Variants in TARBP2 observed in about 807,000 individuals in gnomAD.
TARBP2 encodes RISC-loading complex subunit TARBP2.
In TARBP2, 23 loss-of-function variants were observed where a neutral mutation model predicts 40.4. The ratio of observed to expected loss-of-function variants is 0.57; its 90% CI spans 0.41 to 0.81. The LOEUF (loss-of-function observed/expected upper bound fraction) is 0.81, where lower values mean the gene tolerates loss of function less well. TARBP2 is among the 30% of genes least tolerant of loss of function. TARBP2 has a pLI of 0.00. For synonymous variants in TARBP2, 183 were observed against 190.5 expected (o/e 0.96, Z 0.32); for missense variants, 358 against 473.7 (o/e 0.76, Z 2.27).
At position 53,505,766 on chromosome 12, in the gene TARBP2, C is replaced by T. The variant is rs1565902214; in HGVS notation, c.859C>T (p.Leu287=). The change falls in exon 8 of 9, where the codon CTG becomes TTG. Residue 287 remains leucine (L), a synonymous_variant. Transcript: ENST00000266987. The surrounding 1 kb of genome is among the most constrained non-coding windows in gnomAD (Gnocchi z 4.5). Reference sequence around the variant, plus strand: ...CCTCCGCAGTTGCTCCCTGGGCTCCCTGGGTGCCCTGGGCCCTGCCTGCTG... The same window carrying T: ...CCTCCGCAGTTGCTCCCTGGGCTCCTTGGGTGCCCTGGGCCCTGCCTGCTG... ...LSLRSCSLGS[L]GALGPACCRV... 1 of 1,613,962 alleles carries T rather than the reference C, an allele frequency of 6.2e-7. No individual in the cohort carries two copies. Among genetic ancestry groups the T allele is most frequent in the Non-Finnish European group, 8.5e-7 (1 of 1,179,886 alleles).
chr12:53,503,239 C>T lies in TARBP2; in HGVS notation c.326+110C>T, dbSNP rs1320244974. 2.8e-6 allele frequency: 4 copies of T among 1,427,588 alleles called. No individual in the cohort carries two copies. The East Asian group carries it at 1.1e-4, about 38-fold the overall frequency. The allele number at this position is 1,427,588 out of a possible 1,614,324, so 88.4% of individuals were successfully genotyped here. A position where few individuals can be genotyped will look rare whatever the true frequency, so the allele number is the denominator to read the frequency against. On this transcript the variant is annotated intron_variant, in intron 3 of 8. Transcript: ENST00000266987. ...TGACACTTAGCCACCCTGACCTGGC[C>T]TCTTCCTGAGAGTCCCTCTGGACCT...
At position 53,506,394 on chromosome 12, in the gene TARBP2, A is replaced by T. The variant is rs546700312; in HGVS notation, c.*246A>T. The T allele has an allele frequency of 5.4e-6, 3 of 551,496 alleles. No individual in the cohort carries two copies. The South Asian group carries it at 7.8e-5, about 14-fold the overall frequency. 34.2% of individuals were successfully genotyped at this position (551,496 alleles called of 1,614,324 possible). Reference sequence around the variant, plus strand: ...GAATGAAATCAGGGGGCTGTCTACTAGAGCCTGGAATAAATATGCTGCTTT... The same window carrying T: ...GAATGAAATCAGGGGGCTGTCTACTTGAGCCTGGAATAAATATGCTGCTTT... On this transcript the variant is annotated 3_prime_UTR_variant, in exon 9 of 9. Transcript: ENST00000266987.
intron 3 of TARBP2, 136 bp downstream of exon 3, chr12:53,503,265 G>C: frequency 2.8e-6 from 4 of 1,408,038 alleles, no homozygotes; most frequent in Non-Finnish European, 1.9e-6. Context: ...CTCTGGACCT[G>C]AACAGGGTTT....
At chr12:53,502,258 C>T in intron 2 of TARBP2, 74 bp downstream of exon 2, 1 of 1,545,636 alleles carries the variant, frequency 6.5e-7, no homozygotes, top group Non-Finnish European at 8.8e-7. Context: ...TGGAGTCTCT[C>T]TCTTCACAGT....
Position 53,505,082 on chromosome 12 carries a change from A to T in TARBP2, c.614-53A>T. On this transcript the variant is annotated intron_variant, in intron 6 of 8. Transcript: ENST00000266987. The surrounding 1 kb of genome is among the most constrained non-coding windows in gnomAD (Gnocchi z 4.5). ...CTCAATCCAAGTATGACCTGGGTGG[A>T]AGCACTGGGTCTGTGGGGAATCATA... 1 of 1,555,524 alleles carries T rather than the reference A, an allele frequency of 6.4e-7. No homozygotes were observed. The highest frequency in any genetic ancestry group is 2.3e-5 in the East Asian group (1 of 44,026).
In TARBP2 at chr12:53,505,628, T is replaced by A. The variant is rs556800782; in HGVS notation, c.742-21T>A. The A allele has an allele frequency of 1.2e-6, 2 of 1,610,510 alleles. No individual in the cohort carries two copies. Among genetic ancestry groups the A allele is most frequent in the South Asian group, 2.2e-5 (2 of 91,030 alleles). On this transcript the variant is annotated intron_variant, in intron 7 of 8. Coordinates refer to ENST00000266987, the MANE Select transcript of TARBP2 (RefSeq NM_134323.2). This position sits in a 1 kb window ranked among gnomAD's most constrained non-coding sequence, Gnocchi z 4.5. ...CCCACAGTCTCTCGCTTCATCTTTC[T>A]CACTGTTCCCATCTTGACAGGGTGT... is the stretch of plus-strand genomic sequence containing the variant.
rs1943737863 is a variant in TARBP2, at chr12:53,502,039, C to T, written c.78C>T (p.Asn26=). 6.2e-7 allele frequency: 1 copy of T among 1,614,196 alleles called. No individual in the cohort carries two copies. The highest frequency in any genetic ancestry group is 2.2e-5 in the East Asian group (1 of 44,886). The change falls in exon 2 of 9, where the codon AAC becomes AAT. Residue 26 remains asparagine (N), a synonymous_variant. Transcript: ENST00000266987. The part of the protein sequence containing the change: ...LPSIEQMLAA[N]PGKTPISLLQ... Reference sequence around the variant, plus strand: ...GTATAGAGCAAATGCTGGCCGCCAACCCAGGCAAGACCCCGATCAGCCTTC... The same window carrying T: ...GTATAGAGCAAATGCTGGCCGCCAATCCAGGCAAGACCCCGATCAGCCTTC...
At position 53,503,707 on chromosome 12, in the gene TARBP2, G is replaced by T; in HGVS notation, c.327-6G>T. ...GTGAATCAAAGGCCCCCTTCCCCTC[G>T]GGAAGTTCTTTTTCTCCCCTAGACT... On this transcript the variant is annotated splice_polypyrimidine_tract_variant and splice_region_variant and intron_variant, in intron 3 of 8. Coordinates refer to ENST00000266987, the MANE Select transcript of TARBP2 (RefSeq NM_134323.2). The T allele has an allele frequency of 6.2e-7, 1 of 1,612,156 alleles. No homozygotes were observed.
chr12:53,502,809 G>T (rs931920034), intron 2 of TARBP2: 32 of 436,770 alleles, frequency 7.3e-5, no homozygotes, highest in African/African-American at 5.7e-4. Flanking sequence ...TTTGAGCTCA[G>T]AAGTCCTGCT....
chr12:53,501,876 C>G, intron 1 of TARBP2, 139 bp from the exon 2 acceptor site: 1 of 1,400,824 alleles, frequency 7.1e-7, no homozygotes, highest in African/African-American at 1.4e-5. Context: ...CACTTGGAAC[C>G]CAGCCAATGG....
rs1405487590 is a variant in TARBP2 at position 53,505,598 on chromosome 12, T to C, written c.742-51T>C. On this transcript the variant is annotated intron_variant, in intron 7 of 8. Coordinates refer to ENST00000266987, the MANE Select transcript of TARBP2 (RefSeq NM_134323.2). This position sits in a 1 kb window ranked among gnomAD's most constrained non-coding sequence, Gnocchi z 4.5. The stretch of plus-strand genomic sequence containing the variant: ...CTTTGACGTTGAATGTCTCAATGCC[T>C]GGGTCCCACAGTCTCTCGCTTCATC... The C allele has an allele frequency of 6.5e-7, 1 of 1,547,472 alleles. No individual in the cohort carries two copies. Among genetic ancestry groups the C allele is most frequent in the Admixed American group, 1.7e-5 (1 of 59,390 alleles).
chr12:53,505,513 C>T lies in TARBP2; in HGVS notation c.742-136C>T. On this transcript the variant is annotated intron_variant, in intron 7 of 8. Coordinates refer to ENST00000266987, the MANE Select transcript of TARBP2 (RefSeq NM_134323.2). This position sits in a 1 kb window ranked among gnomAD's most constrained non-coding sequence, Gnocchi z 4.5. ...CCAGGGCCTGGTAGTTAGAAGGGGCCACCCAGGGATTGACTGGGGGGAGGC... is the reference window on the plus strand; with the variant it reads ...CCAGGGCCTGGTAGTTAGAAGGGGCTACCCAGGGATTGACTGGGGGGAGGC... The T allele has an allele frequency of 9.1e-7, 1 of 1,093,194 alleles. No individual in the cohort carries two copies. The highest frequency in any genetic ancestry group is 1.3e-6 in the Non-Finnish European group (1 of 745,738). The allele number at this position is 1,093,194 out of a possible 1,614,324, so 67.7% of individuals were successfully genotyped here.
In TARBP2 at chr12:53,501,351, T is replaced by G; in HGVS notation, c.-58T>G. The G allele has an allele frequency of 6.5e-7, 1 of 1,540,480 alleles. No individual in the cohort carries two copies. The highest frequency in any genetic ancestry group is 1.4e-5 in the African/African-American group (1 of 72,662). ...GGCCCCGGCCCTAGCTCGTCGGCTGTGTATTGGGGCGCGTGGAGGCTGCAG... is the reference window on the plus strand; with the variant it reads ...GGCCCCGGCCCTAGCTCGTCGGCTGGGTATTGGGGCGCGTGGAGGCTGCAG... On this transcript the variant is annotated 5_prime_UTR_variant, in exon 1 of 9. Coordinates refer to ENST00000266987, the MANE Select transcript of TARBP2 (RefSeq NM_134323.2).
intron 3 of TARBP2, chr12:53,503,356 G>A (rs1943807397): frequency 1.9e-6 from 2 of 1,032,116 alleles, no homozygotes; most frequent in African/African-American, 1.6e-5. Flanking sequence ...CAGTAGGTTG[G>A]GGCCTGGGTT....
Position 53,501,468 on chromosome 12 carries a change from C to T in TARBP2, c.53+7C>T, listed in dbSNP as rs1423854895. The T allele has an allele frequency of 6.4e-7, 1 of 1,563,444 alleles. No individual in the cohort carries two copies. On this transcript the variant is annotated splice_region_variant and intron_variant, in intron 1 of 8. Transcript: ENST00000266987. Reference sequence around the variant, plus strand: ...CGGGCTGCGGGCTGCCTAGGTGAGCCGTCTCGTACCGATTCCTTCAGGGCG... The same window carrying T: ...CGGGCTGCGGGCTGCCTAGGTGAGCTGTCTCGTACCGATTCCTTCAGGGCG...
rs774355466 is a variant in TARBP2, at chr12:53,506,143, A to G, written c.1096A>G (p.Lys366Glu). ...GTACCTCAAGATCATGGCAGGCAGC[A>G]AGTGAAGCCCCAGCTGGACTCATGG... ...LQYLKIMAGS[K>E] Residue 366 changes from lysine (K) to glutamate (E), a missense_variant, in exon 9 of 9, where the codon AAG becomes GAG. Coordinates refer to ENST00000266987, the MANE Select transcript of TARBP2 (RefSeq NM_134323.2). 1.9e-6 allele frequency: 3 copies of G among 1,613,546 alleles called. No homozygotes were observed. The highest frequency in any genetic ancestry group is 1.7e-5 in the Admixed American group (1 of 60,020).
Position 53,503,717 on chromosome 12 carries a change from T to C in TARBP2, c.331T>C (p.Phe111Leu). 6.2e-7 allele frequency: 1 copy of C among 1,613,900 alleles called. No homozygotes were observed. The highest frequency in any genetic ancestry group is 8.5e-7 in the Non-Finnish European group (1 of 1,179,800). Residue 111 changes from phenylalanine to leucine, a missense_variant, in exon 4 of 9, where the codon TTT becomes CTT. Around this residue, in one of 3 missense-constraint regions of TARBP2, gnomAD observed 317 missense variants for 422.9 expected, o/e 0.75. Transcript: ENST00000266987. ...LEPALEDSSS[F>L]SPLDSSLPED... ...GGCCCCCTTCCCCTCGGGAAGTTCT[T>C]TTTCTCCCCTAGACTCTTCACTGCC...
At chr12:53,503,455 G>A (rs1405815343) in intron 3 of TARBP2, 4 of 571,892 alleles carry the variant, frequency 7.0e-6, no homozygotes, top group Non-Finnish European at 3.0e-6. Context: ...TCCTTCACGC[G>A]CAGGTTGGAG....
rs1370557336 is a variant in TARBP2 at position 53,505,399 on chromosome 12, C to T, written c.741+137C>T. 3.6e-6 allele frequency: 5 copies of T among 1,380,294 alleles called. No individual in the cohort carries two copies. In the Admixed American group the frequency reaches 8.0e-5, roughly 22 times the overall value. The allele number at this position is 1,380,294 out of a possible 1,614,324, so 85.5% of individuals were successfully genotyped here. A position where few individuals can be genotyped will look rare whatever the true frequency, so the allele number is the denominator to read the frequency against. ...TTCTGCCACAGTTTTCCTACCAGACCCAGGGTTCCTGGGGCCGACTCAGCC... is the reference window on the plus strand; with the variant it reads ...TTCTGCCACAGTTTTCCTACCAGACTCAGGGTTCCTGGGGCCGACTCAGCC... On this transcript the variant is annotated intron_variant, in intron 7 of 8. Coordinates refer to ENST00000266987, the MANE Select transcript of TARBP2 (RefSeq NM_134323.2). This position sits in a 1 kb window ranked among gnomAD's most constrained non-coding sequence, Gnocchi z 4.5.
Sources: gnomAD v4.1 joint callset for allele counts on GRCh38, gnomAD v4.1.1 for gene constraint, gnomAD v4.1.1 regional missense constraint, Gnocchi (gnomAD v3.1) non-coding constraint, MANE v1.5 for transcripts, NCBI Gene and HGNC (gene_info 2026-07-23, HGNC 2026-07-21) for gene names.